The following ALK variants were observed in gnomAD, a reference collection of about 807,000 sequenced individuals.
ALK encodes the protein ALK receptor tyrosine kinase.
Under a neutral mutation model 163.1 loss-of-function variants are expected in ALK, and 74 were observed. That is an observed-to-expected ratio of 0.45 (90% CI 0.38 to 0.55). The LOEUF (loss-of-function observed/expected upper bound fraction) is 0.55. Ranked by LOEUF, ALK falls within the 20% of genes least tolerant of loss-of-function variation. ALK has a pLI of 0.00. For synonymous variants in ALK, 960 were observed against 843.2 expected, an observed-to-expected ratio of 1.14 and a Z score of -2.40; for missense variants, 2,063 against 2,105.3, an observed-to-expected ratio of 0.98 and a Z score of 0.39.
chr2:29,329,460 G>T (rs1395365475), intron 5 of ALK, among the ~76,000 whole-genome samples: 1 of 152,202 alleles, frequency 6.6e-6, no homozygotes, highest in Admixed American at 6.5e-5. Context: ...AGATGAGCAG[G>T]TAGGGCTCAC....
intron 15 of ALK, 75 bp from the exon 16 acceptor site, chr2:29,229,141 A>AT: frequency 6.9e-7 from 1 of 1,457,162 alleles, no homozygotes; most frequent in African/African-American, 1.4e-5. Flanking sequence ...GAGAAGCAGG[A>AT]TGCAGGACGC....
At chr2:29,793,830 C>T (rs1020565747) in intron 1 of ALK, among the ~76,000 whole-genome samples, 1 of 152,052 alleles carries the variant, frequency 6.6e-6, no homozygotes, top group Non-Finnish European at 1.5e-5. Flanking sequence ...TGTCATTCAG[C>T]CCTTGTTGTT....
At chr2:29,247,988 C>T (rs752514961) in intron 12 of ALK, among the ~76,000 whole-genome samples, 2 of 152,126 alleles carry the variant, frequency 1.3e-5, no homozygotes, top group African/African-American at 2.4e-5. Flanking sequence ...ACTTCTCAGT[C>T]ATATTCTGAC....
At chr2:29,601,980 G>A (rs1675391594) in intron 3 of ALK, among the ~76,000 whole-genome samples, 1 of 152,058 alleles carries the variant, frequency 6.6e-6, no homozygotes, top group Admixed American at 6.5e-5. Context: ...AACTCTACCA[G>A]CTCAGTGTCC....
chr2:29,233,153 T>C (rs1664264892), intron 14 of ALK, among the ~76,000 whole-genome samples: 2 of 152,174 alleles, frequency 1.3e-5, no homozygotes, highest in Admixed American at 1.3e-4. Flanking sequence ...ATTCTTTTGT[T>C]GGTTTTAGAG....
At chr2:29,271,677 C>A (rs1459910113) in intron 11 of ALK, among the ~76,000 whole-genome samples, 1 of 152,264 alleles carries the variant, frequency 6.6e-6, no homozygotes, top group Non-Finnish European at 1.5e-5. Flanking sequence ...TGGCCCCACG[C>A]CCACGGCTTG....
intron 1 of ALK, among the ~76,000 whole-genome samples, chr2:29,769,810 C>T (rs1157856492): frequency 6.6e-6 from 1 of 152,208 alleles, no homozygotes; most frequent in Non-Finnish European, 1.5e-5. Flanking sequence ...CAAACAACAG[C>T]AACAGCGGTT....
At chr2:29,740,423 C>G (rs1203362571) in intron 1 of ALK, among the ~76,000 whole-genome samples, 4 of 151,016 alleles carry the variant, frequency 2.6e-5, no homozygotes, top group African/African-American at 9.9e-5. Context: ...TGAGGACAGT[C>G]AGAGGGACAG....
chr2:29,865,610 T>C (rs2148409169), intron 1 of ALK, among the ~76,000 whole-genome samples: 1 of 152,316 alleles, frequency 6.6e-6, no homozygotes, highest in South Asian at 2.1e-4. Flanking sequence ...TATTGGTCCA[T>C]CTTTGCTCAG....
chr2:29,319,567 T>C (rs1408413465), intron 7 of ALK, among the ~76,000 whole-genome samples: 1 of 152,072 alleles, frequency 6.6e-6, no homozygotes, highest in African/African-American at 2.4e-5. Flanking sequence ...GCAAAAGGCA[T>C]GATAAATGAG....
At chr2:29,623,575 G>A (rs1389965773) in intron 3 of ALK, among the ~76,000 whole-genome samples, 1 of 152,172 alleles carries the variant, frequency 6.6e-6, no homozygotes, top group East Asian at 1.9e-4. Context: ...GATGATGGGG[G>A]TAGAAGCACA....
intron 3 of ALK, among the ~76,000 whole-genome samples, chr2:29,573,930 T>A (rs1674450460): frequency 1.3e-5 from 2 of 152,106 alleles, no homozygotes; most frequent in South Asian, 4.1e-4. Flanking sequence ...GAGCTGACAT[T>A]TGAGCAGAGA....
intron 1 of ALK, among the ~76,000 whole-genome samples, chr2:29,794,738 G>A (rs778536387): frequency 2.0e-5 from 3 of 152,100 alleles, no homozygotes; most frequent in East Asian, 1.9e-4. Context: ...GAATAACTTC[G>A]CCACCTTATA....
intron 4 of ALK, among the ~76,000 whole-genome samples, chr2:29,531,410 A>G (rs573578797): frequency 6.6e-6 from 1 of 152,104 alleles, no homozygotes; most frequent in African/African-American, 2.4e-5. Flanking sequence ...TGTAGCACAA[A>G]GCTCTGTTCC....
At chr2:29,637,878 G>C (rs1054019206) in intron 3 of ALK, among the ~76,000 whole-genome samples, 1 of 151,908 alleles carries the variant, frequency 6.6e-6, no homozygotes, top group African/African-American at 2.4e-5. Flanking sequence ...AACTGTATAT[G>C]AATCCATAAT....
At chr2:29,411,490 A>G (rs1056257594) in intron 4 of ALK, among the ~76,000 whole-genome samples, 5 of 151,992 alleles carry the variant, frequency 3.3e-5, no homozygotes, top group African/African-American at 1.2e-4. Context: ...TTTTTAAGAA[A>G]AAAAGAGATG....
At chr2:29,646,745 T>A (rs2148250293) in intron 3 of ALK, among the ~76,000 whole-genome samples, 1 of 152,298 alleles carries the variant, frequency 6.6e-6, no homozygotes, top group African/African-American at 2.4e-5. Flanking sequence ...CCTCCTTCAA[T>A]TCTTTGTTCA....
intron 5 of ALK, among the ~76,000 whole-genome samples, chr2:29,350,459 T>C (rs989806301): frequency 1.3e-5 from 2 of 152,170 alleles, no homozygotes; most frequent in African/African-American, 4.8e-5. Context: ...GATCCTTCCA[T>C]TGACCTGAGC....
intron 4 of ALK, among the ~76,000 whole-genome samples, chr2:29,523,153 C>T (rs766281992): frequency 1.3e-5 from 2 of 152,136 alleles, no homozygotes; most frequent in African/African-American, 4.8e-5. Flanking sequence ...AAGAGAATCA[C>T]GTGGCCACAG....
Sources: gnomAD v4.1 joint callset for allele counts (sites outside exome capture counted in the v4.1 genomes callset) on GRCh38, gnomAD v4.1.1 for gene constraint, MANE v1.5 for transcripts, NCBI Gene and HGNC (gene_info 2026-07-23, HGNC 2026-07-21) for gene names.